The following PALMD variants were observed in gnomAD, a reference collection of about 807,000 sequenced individuals.
PALMD encodes palmdelphin.
A neutral mutation model predicts 56.2 loss-of-function variants in PALMD; 42 were observed. The observed-to-expected ratio is 0.75, with a 90% CI of 0.58 to 0.97. The LOEUF (loss-of-function observed/expected upper bound fraction) is 0.97, where lower values mean the gene tolerates loss of function less well. PALMD is among the 50% of genes least tolerant of loss of function. The probability of loss-of-function intolerance (pLI) is 0.00; values close to 1 mark genes in which losing one functional copy is unlikely to be tolerated. For synonymous variants in PALMD, 242 were observed against 222.9 expected, an observed-to-expected ratio of 1.09 and a Z score of -0.76; for missense variants, 660 against 643.8, an observed-to-expected ratio of 1.03 and a Z score of -0.27.
In PALMD at chr1:99,689,495, C is replaced by T. The variant is rs34301993; in HGVS notation, c.1235C>T (p.Pro412Leu). ...SLPPDINDTE[P>L]VTMIFMGYQQ... The stretch of plus-strand genomic sequence containing the variant: ...CCTCCAGACATAAATGATACAGAAC[C>T]GGTGACAATGATTTTCATGGGGTAT... Residue 412 changes from proline to leucine, a missense_variant, in exon 7 of 8, where the codon CCG (proline) becomes CTG (leucine). Physicochemically the swap from Pro to Leu is moderately conservative, Grantham distance 98. Transcript: ENST00000263174. The T allele has an allele frequency of 5.6e-6, 9 of 1,613,470 alleles. No individual in the cohort carries two copies. Among genetic ancestry groups the T allele is most frequent in the East Asian group, 2.2e-5 (1 of 44,862 alleles).
chr1:99,689,111 A>G lies in PALMD; in HGVS notation c.851A>G (p.Gln284Arg). ...RETVTPGPNF[Q>R]ERIKIKTNGL... is the part of the protein sequence containing the mutation. Reference sequence around the variant, plus strand: ...ACGGTGACCCCTGGACCAAACTTTCAAGAAAGGATAAAGATTAAAACTAAT... The same window carrying G: ...ACGGTGACCCCTGGACCAAACTTTCGAGAAAGGATAAAGATTAAAACTAAT... Residue 284 changes from glutamine (Q) to arginine (R), a missense_variant, in exon 7 of 8, where the codon CAA becomes CGA. By Grantham distance (43) the Gln-to-Arg change is conservative. Coordinates refer to ENST00000263174, the MANE Select transcript of PALMD (RefSeq NM_017734.5). The G allele has an allele frequency of 6.2e-7, 1 of 1,613,616 alleles. No homozygotes were observed. The highest frequency in any genetic ancestry group is 1.1e-5 in the South Asian group (1 of 91,036).
At position 99,656,783 on chromosome 1, in the gene PALMD, C is replaced by A. The variant is rs147135822; in HGVS notation, c.46-5536C>A. Among the ~76,000 whole-genome samples, 61 of 152,266 alleles carry A rather than the reference C, an allele frequency of 4.0e-4. 1 individual carries two copies. The highest frequency in any genetic ancestry group is 1.4e-3 in the African/African-American group (58 of 41,552). ...GATCTTCTTACTAGTCTTGGCCCTG[C>A]TACTAAATACCTTTCTAAGCAAGCC... On this transcript the variant is annotated intron_variant, in intron 1 of 7. Transcript: ENST00000263174.
intron 2 of PALMD, among the ~76,000 whole-genome samples, chr1:99,665,744 G>GTCT (rs1330342685): frequency 6.6e-6 from 1 of 152,020 alleles, no homozygotes; most frequent in Non-Finnish European, 1.5e-5. Context: ...AGGTGTTACT[G>GTCT]TCTTCTTTCC....
intron 1 of PALMD, among the ~76,000 whole-genome samples, 195 bp from the exon 2 acceptor site, chr1:99,662,124 T>C (rs1652860889): frequency 6.6e-6 from 1 of 152,196 alleles, no homozygotes; most frequent in Admixed American, 6.5e-5. Flanking sequence ...CCTTTTCATA[T>C]TCTTTCCCAT....
intron 1 of PALMD, among the ~76,000 whole-genome samples, chr1:99,647,194 T>G (rs1652460753): frequency 6.6e-6 from 1 of 152,214 alleles, no homozygotes; most frequent in Admixed American, 6.5e-5. Flanking sequence ...GCTATAACTT[T>G]TGATGTAATT....
At chr1:99,679,569 C>G (rs1044189304) in intron 3 of PALMD, among the ~76,000 whole-genome samples, 5 of 152,164 alleles carry the variant, frequency 3.3e-5, no homozygotes, top group African/African-American at 4.8e-5. Flanking sequence ...AGAAATATTA[C>G]CTTTGTATAT....
chr1:99,676,369 C>T (rs1383537352), intron 3 of PALMD, among the ~76,000 whole-genome samples: 1 of 152,010 alleles, frequency 6.6e-6, no homozygotes. Flanking sequence ...CTGAATTATT[C>T]TTCATCTTTT....
In PALMD at chr1:99,689,743, A is replaced by G. The variant is rs1366291000; in HGVS notation, c.1483A>G (p.Asn495Asp). The G allele has an allele frequency of 1.2e-6, 2 of 1,613,692 alleles. No homozygotes were observed. The highest frequency in any genetic ancestry group is 2.7e-5 in the African/African-American group (2 of 74,890). The change falls in exon 7 of 8, where the codon AAT (asparagine) becomes GAT (aspartate). Residue 495 changes from asparagine to aspartate, a missense_variant. Physicochemically the swap from Asn to Asp is conservative, Grantham distance 23. Transcript: ENST00000263174. ...RSEASPHENT[N>D]HKSPHKNSIS... ...AGAAGCTAGTCCTCATGAAAACACA[A>G]ATCATAAATCCCCCCACAAAAATTC...
intron 3 of PALMD, chr1:99,686,422 G>T (rs9661328): frequency 0.51 from 127,444 of 247,840 alleles, 33,844 homozygotes; most frequent in Non-Finnish European, 0.57. Flanking sequence ...TGGAGCAAAG[G>T]TCAAATGCTT....
chr1:99,661,811 C>T (rs1383998863), intron 1 of PALMD, among the ~76,000 whole-genome samples: 2 of 152,206 alleles, frequency 1.3e-5, no homozygotes, highest in African/African-American at 4.8e-5. Context: ...CTATTTTCCT[C>T]TATCTTCCCA....
intron 1 of PALMD, among the ~76,000 whole-genome samples, chr1:99,656,219 A>T (rs1354081112): frequency 6.6e-6 from 1 of 152,142 alleles, no homozygotes; most frequent in Non-Finnish European, 1.5e-5. Context: ...CATGCCTTAT[A>T]ATCTATCTTC....
At chr1:99,650,704 TG>T (rs1652562323) in intron 1 of PALMD, among the ~76,000 whole-genome samples, 1 of 152,134 alleles carries the variant, frequency 6.6e-6, no homozygotes, top group Non-Finnish European at 1.5e-5. Flanking sequence ...AATGTCAAGG[TG>T]GTGACAACAG....
At chr1:99,685,701 G>A (rs1010274624) in intron 3 of PALMD, 1 of 152,166 alleles carries the variant, frequency 6.6e-6, no homozygotes, top group African/African-American at 2.4e-5. Context: ...TAGCTGACAC[G>A]AATATCCACA....
At chr1:99,679,255 G>A (rs895655177) in intron 3 of PALMD, among the ~76,000 whole-genome samples, 1 of 152,158 alleles carries the variant, frequency 6.6e-6, no homozygotes, top group Admixed American at 6.5e-5. Context: ...TAGTTACATT[G>A]AAACTGCAGT....
intron 7 of PALMD, 150 bp downstream of exon 7, chr1:99,690,022 C>A: frequency 1.6e-6 from 1 of 628,138 alleles, no homozygotes; most frequent in South Asian, 2.4e-5. Flanking sequence ...AGATTATTAT[C>A]ACCACAGTAA....
rs1052572897 is a variant in PALMD, at chr1:99,686,727, G to A, written c.303G>A (p.Thr101=). ...DLEKAELQIS[T]KEEAILKKLK... ...AAAAAGCTGAACTGCAAATCTCAACGAAGGAAGAGGCCATTTTAAAGAAAC... is the reference window on the plus strand; with the variant it reads ...AAAAAGCTGAACTGCAAATCTCAACAAAGGAAGAGGCCATTTTAAAGAAAC... Residue 101 remains threonine, a synonymous_variant, in exon 4 of 8, where the codon ACG becomes ACA. Transcript: ENST00000263174. 10 of 1,609,534 alleles carry A rather than the reference G, an allele frequency of 6.2e-6. No individual in the cohort carries two copies. Among genetic ancestry groups the A allele is most frequent in the South Asian group, 1.1e-5 (1 of 90,582 alleles).
At position 99,646,214 on chromosome 1, in the gene PALMD, T is replaced by TC. The variant is rs575832110; in HGVS notation, c.-101dup. The TC allele has an allele frequency of 7.1e-5, 63 of 881,952 alleles. No individual in the cohort carries two copies. The East Asian group carries it at 1.4e-3, about 20-fold the overall frequency. 54.6% of individuals were successfully genotyped at this position (881,952 alleles called of 1,614,324 possible). A position where few individuals can be genotyped will look rare whatever the true frequency, so the allele number is the denominator to read the frequency against. Reference sequence around the variant, plus strand: ...TCCACTGGTGCAAAGAGCGGATTTCTCCCTGCTTCTCTTCTGTCACCCCCG... The same window carrying TC: ...TCCACTGGTGCAAAGAGCGGATTTCTCCCCTGCTTCTCTTCTGTCACCCCCG... On this transcript the variant is annotated 5_prime_UTR_variant, in exon 1 of 8. Coordinates refer to ENST00000263174, the MANE Select transcript of PALMD (RefSeq NM_017734.5).
intron 2 of PALMD, 73 bp downstream of exon 2, chr1:99,662,472 TA>T (rs1220906176): frequency 2.2e-6 from 2 of 914,400 alleles, no homozygotes; most frequent in Non-Finnish European, 1.7e-6. Context: ...ATTTCAATAG[TA>T]AAAAAGCTTT....
chr1:99,654,436 A>G (rs1420986523), intron 1 of PALMD, among the ~76,000 whole-genome samples: 1 of 152,160 alleles, frequency 6.6e-6, no homozygotes, highest in Non-Finnish European at 1.5e-5. Context: ...TACTAAGGAA[A>G]TGTGCAGTAT....
Sources: gnomAD v4.1 joint callset for allele counts (sites outside exome capture counted in the v4.1 genomes callset) on GRCh38, gnomAD v4.1.1 for gene constraint, MANE v1.5 for transcripts, NCBI Gene and HGNC (gene_info 2026-07-23, HGNC 2026-07-21) for gene names.